PARD3B: variants seen among roughly 807,000 people sequenced by gnomAD.
PARD3B encodes par-3 family cell polarity regulator beta.
PARD3B carries 103 observed loss-of-function variants against 130.2 expected under a neutral mutation model. That is an observed-to-expected ratio of 0.79 (90% CI 0.67 to 0.93). PARD3B has a LOEUF of 0.93. Ranked by LOEUF, PARD3B falls within the 40% of genes least tolerant of loss-of-function variation. PARD3B has a pLI of 0.00. For missense variants in PARD3B, 1,609 were observed against 1,499.2 expected, an observed-to-expected ratio of 1.07 and a Z score of -1.21; for synonymous variants, 583 against 553.2, an observed-to-expected ratio of 1.05 and a Z score of -0.76.
intron 2 of PARD3B, among the ~76,000 whole-genome samples, chr2:204,837,047 G>A (rs1056311475): frequency 6.6e-6 from 1 of 152,146 alleles, no homozygotes; most frequent in African/African-American, 2.4e-5. Context: ...TACCCAATGA[G>A]ATAGTTCACC....
At chr2:205,062,057 TC>T (rs944552872) in intron 4 of PARD3B, among the ~76,000 whole-genome samples, 16 of 152,050 alleles carry the variant, frequency 1.1e-4, no homozygotes, top group Non-Finnish European at 2.1e-4. Flanking sequence ...AATTTGCTAG[TC>T]CTGCTGCCTT....
chr2:204,810,103 A>T (rs1295264364), intron 2 of PARD3B, among the ~76,000 whole-genome samples: 2 of 151,792 alleles, frequency 1.3e-5, no homozygotes, highest in African/African-American at 4.8e-5. Context: ...TTTAATCCTG[A>T]AATTTTGGTG....
At chr2:205,141,530 C>T (rs903594125) in intron 10 of PARD3B, among the ~76,000 whole-genome samples, 1 of 152,160 alleles carries the variant, frequency 6.6e-6, no homozygotes, top group Non-Finnish European at 1.5e-5. Context: ...AGATTTACTC[C>T]ACCCCATATC....
At position 205,616,203 on chromosome 2, in the gene PARD3B, C is replaced by T. The variant is rs1558713; in HGVS notation, c.*390C>T. The T allele has an allele frequency of 0.44, 77,597 of 176,488 alleles. 18,686 individuals are homozygous for T. The highest frequency in any genetic ancestry group is 0.74 in the East Asian group (4,516 of 6,088). 10.9% of individuals were successfully genotyped at this position (176,488 alleles called of 1,614,324 possible). A position where few individuals can be genotyped will look rare whatever the true frequency, so the allele number is the denominator to read the frequency against. On this transcript the variant is annotated 3_prime_UTR_variant, in exon 23 of 23. Coordinates refer to ENST00000406610, the MANE Select transcript of PARD3B (RefSeq NM_001302769.2). ...CGTGGACATCCCCCTCTGAGACTGGCGGTCCAGAGGCAGTCTCTGCCAGGC... is the reference window on the plus strand; with the variant it reads ...CGTGGACATCCCCCTCTGAGACTGGTGGTCCAGAGGCAGTCTCTGCCAGGC...
chr2:205,577,622 T>G (rs765698763), intron 22 of PARD3B, among the ~76,000 whole-genome samples: 20 of 152,190 alleles, frequency 1.3e-4, no homozygotes, highest in Middle Eastern at 3.2e-3. Context: ...ATGGGTAACA[T>G]GTATTTAACT....
At chr2:204,566,416 A>G (rs1223300386) in intron 1 of PARD3B, among the ~76,000 whole-genome samples, 1 of 152,166 alleles carries the variant, frequency 6.6e-6, no homozygotes, top group Non-Finnish European at 1.5e-5. Context: ...CAGTGGTACA[A>G]AGTTTTCTTA....
chr2:204,842,142 G>A (rs2044280504), intron 2 of PARD3B, among the ~76,000 whole-genome samples: 1 of 152,064 alleles, frequency 6.6e-6, no homozygotes, highest in Non-Finnish European at 1.5e-5. Flanking sequence ...TTGAGTTTGT[G>A]TATATTCCTG....
At chr2:204,633,833 CTTAATTTTTAAAA>C (rs1183358584) in intron 1 of PARD3B, among the ~76,000 whole-genome samples, 1 of 152,012 alleles carries the variant, frequency 6.6e-6, no homozygotes, top group Non-Finnish European at 1.5e-5. Context: ...TATTTTTAAA[CTTAATTTTTAAAA>C]GGTTTGTGGG....
chr2:205,612,931 A>C (rs1000658301), intron 22 of PARD3B, among the ~76,000 whole-genome samples: 1 of 152,160 alleles, frequency 6.6e-6, no homozygotes, highest in Non-Finnish European at 1.5e-5. Context: ...AGAGATAGCG[A>C]CTGTCCCCCC....
chr2:205,209,591 A>G (rs968622047), intron 15 of PARD3B, among the ~76,000 whole-genome samples: 1 of 151,326 alleles, frequency 6.6e-6, no homozygotes, highest in Admixed American at 6.6e-5. Flanking sequence ...ATTAATAATT[A>G]AAATATACAA....
chr2:205,517,464 T>G (rs1326490044), intron 21 of PARD3B, among the ~76,000 whole-genome samples: 1 of 152,172 alleles, frequency 6.6e-6, no homozygotes, highest in Non-Finnish European at 1.5e-5. Context: ...TTGGATCTTC[T>G]CCTTTTTCTT....
chr2:204,699,435 T>A (rs1028946040), intron 2 of PARD3B, among the ~76,000 whole-genome samples: 1 of 152,118 alleles, frequency 6.6e-6, no homozygotes, highest in African/African-American at 2.4e-5. Context: ...CAGGGTTCTT[T>A]AAACAAGCTT....
chr2:205,133,421 G>C (rs908221308), intron 10 of PARD3B, among the ~76,000 whole-genome samples: 3 of 152,120 alleles, frequency 2.0e-5, no homozygotes, highest in African/African-American at 4.8e-5. Flanking sequence ...AGATTGCCAG[G>C]CTCCCTCCAC....
At chr2:204,806,544 A>G (rs1028763982) in intron 2 of PARD3B, among the ~76,000 whole-genome samples, 2 of 152,196 alleles carry the variant, frequency 1.3e-5, no homozygotes, top group Non-Finnish European at 2.9e-5. Context: ...ATTTGAGACT[A>G]AAAGAAAACA....
chr2:205,390,230 A>G (rs1044283696), intron 18 of PARD3B, among the ~76,000 whole-genome samples: 13 of 151,938 alleles, frequency 8.6e-5, no homozygotes, highest in Middle Eastern at 3.4e-3. Context: ...CCCCAGGGGA[A>G]AAAACAATTC....
In PARD3B at chr2:205,550,933, GTGTGTGTGTATATATATA is replaced by G. The variant is rs1309853085; in HGVS notation, c.3181-2385_3181-2368del. Among the ~76,000 whole-genome samples the G allele has an allele frequency of 4.3e-5, 5 of 115,610 alleles. No homozygotes were observed. Among genetic ancestry groups the G allele is most frequent in the African/African-American group, 1.7e-4 (5 of 29,672 alleles). The allele number at this position is 115,610 out of a possible 152,430, so 75.8% of individuals were successfully genotyped here. A position where few individuals can be genotyped will look rare whatever the true frequency, so the allele number is the denominator to read the frequency against. Reference sequence around the variant, plus strand: ...TAAATACATATAATTATGTGTGTGTGTGTGTGTGTATATATATATGTGTATATATATATATATATATAT... The same window carrying G: ...TAAATACATATAATTATGTGTGTGTGTGTGTATATATATATATATATATAT... On this transcript the variant is annotated intron_variant, in intron 21 of 22. Coordinates refer to ENST00000406610, the MANE Select transcript of PARD3B (RefSeq NM_001302769.2). The surrounding 1 kb of genome is among the most constrained non-coding windows in gnomAD (Gnocchi z 4.5).
intron 4 of PARD3B, among the ~76,000 whole-genome samples, chr2:205,085,934 A>G (rs2125525377): frequency 6.6e-6 from 1 of 152,324 alleles, no homozygotes; most frequent in East Asian, 1.9e-4. Flanking sequence ...TATCTTCCAA[A>G]GTAAGCTTTA....
At position 205,616,910 on chromosome 2, in the gene PARD3B, T is replaced by A. The variant is rs972780945; in HGVS notation, c.*1097T>A. 2.7e-5 allele frequency: 4 copies of A among 150,882 alleles called. No homozygotes were observed. Among genetic ancestry groups the A allele is most frequent in the Admixed American group, 1.3e-4 (2 of 14,864 alleles). 9.3% of individuals were successfully genotyped at this position (150,882 alleles called of 1,614,324 possible). Reference sequence around the variant, plus strand: ...GAATGAGAGAGAGAGAGAGAGAGAGTATGTGTGTGTGTGTGTATGTGTGTG... The same window carrying A: ...GAATGAGAGAGAGAGAGAGAGAGAGAATGTGTGTGTGTGTGTATGTGTGTG... On this transcript the variant is annotated 3_prime_UTR_variant, in exon 23 of 23. Transcript: ENST00000406610.
Position 205,116,733 on chromosome 2 carries a change from A to G in PARD3B, c.681-2188A>G, listed in dbSNP as rs1340743791. 6.6e-6 allele frequency among the ~76,000 whole-genome samples: 1 copy of G among 152,166 alleles called. No individual in the cohort carries two copies. The highest frequency in any genetic ancestry group is 2.4e-5 in the African/African-American group (1 of 41,450). ...AGGGAATCTATCCCTTCCACGGAGC[A>G]GAGAGGGCAGAAGTGGTTTGTTGCC... On this transcript the variant is annotated intron_variant, in intron 6 of 22. Coordinates refer to ENST00000406610, the MANE Select transcript of PARD3B (RefSeq NM_001302769.2). This position sits in a 1 kb window ranked among gnomAD's most constrained non-coding sequence, Gnocchi z 4.5.
Sources: gnomAD v4.1 joint callset for allele counts (sites outside exome capture counted in the v4.1 genomes callset) on GRCh38, gnomAD v4.1.1 for gene constraint, Gnocchi (gnomAD v3.1) non-coding constraint, MANE v1.5 for transcripts, NCBI Gene and HGNC (gene_info 2026-07-23, HGNC 2026-07-21) for gene names.